The following TBX4 variants were observed in gnomAD, a reference collection of about 807,000 sequenced individuals.
The protein encoded by TBX4 is T-box transcription factor 4.
A neutral mutation model predicts 54.6 loss-of-function variants in TBX4; 13 were observed. The ratio of observed to expected loss-of-function variants is 0.24; its 90% CI spans 0.15 to 0.38. The LOEUF (loss-of-function observed/expected upper bound fraction) is 0.38. TBX4 is among the 10% of genes least tolerant of loss of function. The pLI, the probability that TBX4 is intolerant of heterozygous loss-of-function variation, is 1.00. For missense variants in TBX4, 631 were observed against 728.5 expected, an observed-to-expected ratio of 0.87 and a Z score of 1.54; for synonymous variants, 314 against 306.7, an observed-to-expected ratio of 1.02 and a Z score of -0.25.
Position 61,478,561 on chromosome 17 carries a change from T to G in TBX4, c.550-66T>G. ...AAAAACCAGGCCAGGGCCAGAAGAA[T>G]GAGGTCAAGGGCCTGGGGCTTGCGG... On this transcript the variant is annotated intron_variant, in intron 5 of 8. Transcript: ENST00000644296. The surrounding 1 kb of genome is among the most constrained non-coding windows in gnomAD (Gnocchi z 7.4). 6.2e-7 allele frequency: 1 copy of G among 1,607,432 alleles called. No homozygotes were observed. The highest frequency in any genetic ancestry group is 8.5e-7 in the Non-Finnish European group (1 of 1,174,058).
Position 61,456,583 on chromosome 17 carries a change from G to A in TBX4, c.93G>A (p.Glu31=). 6.5e-7 allele frequency: 1 copy of A among 1,534,198 alleles called. No individual in the cohort carries two copies. Among genetic ancestry groups the A allele is most frequent in the African/African-American group, 1.4e-5 (1 of 71,606 alleles). The change falls in exon 2 of 9, where the codon GAG becomes GAA. Residue 31 remains glutamate, a synonymous_variant. Transcript: ENST00000644296. ...AGGCCAGCGCAGCCAACGCCCCCGA[G>A]CCCGCGCTGGCAGCGCCGGGCCTCA... ...LGEASAANAP[E]PALAAPGLSG...
Position 61,474,460 on chromosome 17 carries a change from G to C in TBX4, c.550-4167G>C, listed in dbSNP as rs372290961. 5.3e-5 allele frequency among the ~76,000 whole-genome samples: 8 copies of C among 152,188 alleles called. No individual in the cohort carries two copies. Among genetic ancestry groups the C allele is most frequent in the Admixed American group, 5.2e-4 (8 of 15,276 alleles). On this transcript the variant is annotated intron_variant, in intron 5 of 8. Transcript: ENST00000644296. This position sits in a 1 kb window ranked among gnomAD's most constrained non-coding sequence, Gnocchi z 4.6. ...TCTGTTCCTCATCTGTAAAATTAGA[G>C]AGCTGGACACGAATGATCTCAATGG... is the stretch of plus-strand genomic sequence containing the variant.
chr17:61,456,675 A>G lies in TBX4; in HGVS notation c.185A>G (p.Gln62Arg). The G allele has an allele frequency of 1.5e-6, 2 of 1,372,322 alleles. No homozygotes were observed. The highest frequency in any genetic ancestry group is 3.4e-5 in the South Asian group (2 of 58,040). The allele number at this position is 1,372,322 out of a possible 1,614,324, so 85.0% of individuals were successfully genotyped here. A position where few individuals can be genotyped will look rare whatever the true frequency, so the allele number is the denominator to read the frequency against. ...ADVVAAAAAE[Q>R]TIENIKVGLH... is the part of the protein sequence containing the mutation. ...GTCGTCGCCGCCGCCGCCGCGGAGC[A>G]GGTAGGGCTGCGCCAGCCGTCGGGT... Residue 62 changes from glutamine (Q) to arginine (R), a missense_variant and splice_region_variant, in exon 2 of 9, where the codon CAG (glutamine) becomes CGG (arginine). Around this residue, in one of 3 missense-constraint regions of TBX4, gnomAD observed 123 missense variants for 120.9 expected, o/e 1.02. Transcript: ENST00000644296.
chr17:61,470,180 C>T (rs1468194036), intron 5 of TBX4, among the ~76,000 whole-genome samples: 1 of 152,166 alleles, frequency 6.6e-6, no homozygotes, highest in African/African-American at 2.4e-5. Context: ...GTCCTTCTAG[C>T]CTGGAGATCC....
chr17:61,481,717 CAGG>C lies in TBX4; in HGVS notation c.1022-1173_1022-1171del, dbSNP rs541581096. Reference sequence around the variant, plus strand: ...TCCCCGAATGAATCCCTGGAGAAAACAGGAGGAGGGAGGCCAAGATGAGCCATG... The same window carrying C: ...TCCCCGAATGAATCCCTGGAGAAAACAGGAGGGAGGCCAAGATGAGCCATG... On this transcript the variant is annotated intron_variant, in intron 8 of 8. Transcript: ENST00000644296. The surrounding 1 kb of genome is among the most constrained non-coding windows in gnomAD (Gnocchi z 4.8). 2.6e-5 allele frequency: 4 copies of C among 152,432 alleles called. No individual in the cohort carries two copies. The highest frequency in any genetic ancestry group is 4.1e-4 in the South Asian group (2 of 4,822). The allele number at this position is 152,432 out of a possible 1,614,324, so 9.4% of individuals were successfully genotyped here.
Position 61,472,476 on chromosome 17 carries a change from G to C in TBX4, c.549+4819G>C, listed in dbSNP as rs1299287571. Among the ~76,000 whole-genome samples the C allele has an allele frequency of 6.6e-6, 1 of 152,084 alleles. No homozygotes were observed. The highest frequency in any genetic ancestry group is 1.5e-5 in the Non-Finnish European group (1 of 68,004). On this transcript the variant is annotated intron_variant, in intron 5 of 8. Transcript: ENST00000644296. The surrounding 1 kb of genome is among the most constrained non-coding windows in gnomAD (Gnocchi z 4.5). ...TTCTCATCCTTTGCTCATTTTTCTT[G>C]TAGGTTTTTGATATCAATTTCTAGG... is the stretch of plus-strand genomic sequence containing the variant.
intron 1 of TBX4, 104 bp from the exon 2 acceptor site, chr17:61,456,383 TG>T: frequency 6.8e-7 from 1 of 1,469,330 alleles, no homozygotes; most frequent in Non-Finnish European, 9.3e-7. Flanking sequence ...GCTCCAGGGC[TG>T]CCTCCGCGCC....
intron 5 of TBX4, among the ~76,000 whole-genome samples, chr17:61,469,100 G>A (rs1323987374): frequency 2.0e-5 from 3 of 152,248 alleles, no homozygotes; most frequent in Admixed American, 1.3e-4. Flanking sequence ...CAAACCTGGA[G>A]AGGATTTTGG....
In TBX4 at chr17:61,467,665, T is replaced by C. The variant is rs1333392470; in HGVS notation, c.549+8T>C. The C allele has an allele frequency of 1.2e-6, 2 of 1,614,000 alleles. No individual in the cohort carries two copies. Among genetic ancestry groups the C allele is most frequent in the Non-Finnish European group, 1.7e-6 (2 of 1,179,998 alleles). On this transcript the variant is annotated splice_region_variant and intron_variant, in intron 5 of 8. Coordinates refer to ENST00000644296, the MANE Select transcript of TBX4 (RefSeq NM_001321120.2). ...CTGGACCCCTTTGGCCATGTAAGCA[T>C]GGGGGCTGCCTGGCCCCAGGAGGCA...
At chr17:61,453,367 A>AAAAT (rs1182470574) in intron 1 of TBX4, among the ~76,000 whole-genome samples, 24 of 152,228 alleles carry the variant, frequency 1.6e-4, no homozygotes, top group Non-Finnish European at 4.4e-5. Context: ...ATGAACAATG[A>AAAAT]AAATACTATT....
At position 61,481,357 on chromosome 17, in the gene TBX4, A is replaced by G. The variant is rs1287253227; in HGVS notation, c.1021+1038A>G. On this transcript the variant is annotated intron_variant, in intron 8 of 8. Transcript: ENST00000644296. The surrounding 1 kb of genome is among the most constrained non-coding windows in gnomAD (Gnocchi z 4.8). ...ACGGCTGCTTTCATGGTACAACGGC[A>G]GAGTTTCGTAGTTGCAACAGATACC... 6.6e-6 allele frequency: 1 copy of G among 152,260 alleles called. No homozygotes were observed. The highest frequency in any genetic ancestry group is 2.4e-5 in the African/African-American group (1 of 41,474). The allele number at this position is 152,260 out of a possible 1,614,324, so 9.4% of individuals were successfully genotyped here.
chr17:61,482,848 G>T, intron 8 of TBX4, 49 bp from the exon 9 acceptor site: 1 of 1,605,456 alleles, frequency 6.2e-7, no homozygotes. Context: ...GTGCTCTGGG[G>T]CCTGGGCTGG....
chr17:61,466,298 G>T (rs1023838513), intron 4 of TBX4, among the ~76,000 whole-genome samples: 2 of 152,158 alleles, frequency 1.3e-5, no homozygotes, highest in Non-Finnish European at 2.9e-5. Flanking sequence ...GCTTCACTGT[G>T]GGGAAGATGG....
rs2060491797 is a variant in TBX4, at chr17:61,461,103, T to C, written c.281+3472T>C. 6.6e-6 allele frequency among the ~76,000 whole-genome samples: 1 copy of C among 152,136 alleles called. No homozygotes were observed. The highest frequency in any genetic ancestry group is 6.5e-5 in the Admixed American group (1 of 15,284). On this transcript the variant is annotated intron_variant, in intron 3 of 8. Transcript: ENST00000644296. The surrounding 1 kb of genome is among the most constrained non-coding windows in gnomAD (Gnocchi z 5.1). Reference sequence around the variant, plus strand: ...GGGGAGAGAGTGCTTTGATCTCTTTTTAAAGTATTTTCTGAAAGCAAAAGT... The same window carrying C: ...GGGGAGAGAGTGCTTTGATCTCTTTCTAAAGTATTTTCTGAAAGCAAAAGT...
intron 5 of TBX4, among the ~76,000 whole-genome samples, chr17:61,477,714 G>A (rs560944583): frequency 1.5e-4 from 23 of 152,292 alleles, no homozygotes; most frequent in African/African-American, 4.8e-4. Flanking sequence ...GCCAAGGTGG[G>A]CGGATCACTG....
rs2060611168 is a variant in TBX4 at position 61,475,196 on chromosome 17, G to A, written c.550-3431G>A. ...TTCCCTGCCTCGGAAGATGTGTTGG[G>A]CACTCTCTCCACCCTAGTCATCAGG... On this transcript the variant is annotated intron_variant, in intron 5 of 8. Transcript: ENST00000644296. The surrounding 1 kb of genome is among the most constrained non-coding windows in gnomAD (Gnocchi z 5.0). Among the ~76,000 whole-genome samples the A allele has an allele frequency of 6.6e-6, 1 of 152,226 alleles. No individual in the cohort carries two copies. The highest frequency in any genetic ancestry group is 1.5e-5 in the Non-Finnish European group (1 of 68,052).
intron 3 of TBX4, among the ~76,000 whole-genome samples, chr17:61,463,650 C>T (rs1002329498): frequency 7.2e-5 from 11 of 152,244 alleles, no homozygotes; most frequent in African/African-American, 2.4e-4. Context: ...GTGAGCCCTT[C>T]GCTCCTGGCC....
In TBX4 at chr17:61,484,998, T is replaced by G. The variant is rs1450260032; in HGVS notation, c.*1482T>G. ...AACACACACACACTACAGATAAGGC[T>G]TTTTTAGAAAACACATTAGCTAACA... is the stretch of plus-strand genomic sequence containing the variant. On this transcript the variant is annotated 3_prime_UTR_variant, in exon 9 of 9. Transcript: ENST00000644296. The surrounding 1 kb of genome is among the most constrained non-coding windows in gnomAD (Gnocchi z 4.1). The G allele has an allele frequency of 6.7e-6, 1 of 150,056 alleles. No homozygotes were observed. The highest frequency in any genetic ancestry group is 2.4e-5 in the African/African-American group (1 of 41,014). The allele number at this position is 150,056 out of a possible 1,614,324, so 9.3% of individuals were successfully genotyped here.
intron 5 of TBX4, among the ~76,000 whole-genome samples, chr17:61,473,480 T>TC (rs2060595725): frequency 6.6e-6 from 1 of 152,170 alleles, no homozygotes; most frequent in African/African-American, 2.4e-5. Flanking sequence ...GGGGCAGATG[T>TC]CCCCCCAAAG....
Sources: allele counts gnomAD v4.1 joint callset (sites outside exome capture counted in the v4.1 genomes callset), GRCh38; gene constraint gnomAD v4.1.1; regional missense constraint gnomAD v4.1.1; non-coding constraint Gnocchi (gnomAD v3.1); transcripts MANE v1.5; gene names NCBI Gene and HGNC (gene_info 2026-07-23, HGNC 2026-07-21).